Variants in DUSP14 observed in about 807,000 individuals in gnomAD.
The protein encoded by DUSP14 is dual specificity protein phosphatase 14.
A neutral mutation model predicts 13.2 loss-of-function variants in DUSP14; 5 were observed. That is an observed-to-expected ratio of 0.38 (90% CI 0.20 to 0.80). The LOEUF is 0.80. Ranked by LOEUF, DUSP14 falls within the 30% of genes least tolerant of loss-of-function variation. The pLI is 0.44. For missense variants in DUSP14, 185 were observed against 264.0 expected (o/e 0.70, Z 2.07); for synonymous variants, 91 against 103.4 (o/e 0.88, Z 0.73).
intron 1 of DUSP14, among the ~76,000 whole-genome samples, chr17:37,496,915 CA>C (rs71135730): frequency 0.59 from 58,202 of 98,288 alleles, 14,174 homozygotes; most frequent in East Asian, 0.91. Context: ...GACTCTGTCT[CA>C]AAAAAAAAAA....
intron 1 of DUSP14, among the ~76,000 whole-genome samples, chr17:37,502,093 C>G (rs118001031): frequency 4.0e-4 from 61 of 152,256 alleles, no homozygotes; most frequent in Non-Finnish European, 5.0e-4. Flanking sequence ...TATCCCTGCT[C>G]TAGTTACTAC....
intron 1 of DUSP14, among the ~76,000 whole-genome samples, chr17:37,497,640 G>C (rs1039492855): frequency 6.6e-6 from 1 of 151,462 alleles, no homozygotes. Context: ...CATGGCTATC[G>C]TTACAGCTAC....
Position 37,496,247 on chromosome 17 carries a change from G to A in DUSP14, c.-181+6289G>A, listed in dbSNP as rs146330713. ...CAGAAGTGGAGAGGGGGCTTGGACC[G>A]ACAACTATGTGTTGTTAATTTTCTT... is the stretch of plus-strand genomic sequence containing the variant. On this transcript the variant is annotated intron_variant, in intron 1 of 2. Coordinates refer to ENST00000617516, the MANE Select transcript of DUSP14 (RefSeq NM_007026.4). Among the ~76,000 whole-genome samples the A allele has an allele frequency of 4.0e-3, 613 of 152,288 alleles. 3 individuals carry two copies. The highest frequency in any genetic ancestry group is 0.014 in the African/African-American group (577 of 41,552).
intron 1 of DUSP14, among the ~76,000 whole-genome samples, chr17:37,492,825 C>T (rs1342123514): frequency 6.6e-6 from 1 of 152,194 alleles, no homozygotes. Flanking sequence ...CCCCAGAGGT[C>T]CTAGCCAGAA....
At chr17:37,491,353 C>G (rs1315265780) in intron 1 of DUSP14, 2 of 152,254 alleles carry the variant, frequency 1.3e-5, no homozygotes, top group African/African-American at 4.8e-5. Context: ...AGGGACAGGC[C>G]GGGGCAGAGA....
At chr17:37,494,715 C>T (rs931457804) in intron 1 of DUSP14, among the ~76,000 whole-genome samples, 3 of 152,196 alleles carry the variant, frequency 2.0e-5, no homozygotes, top group Non-Finnish European at 4.4e-5. Flanking sequence ...TACCATGTGC[C>T]TAGTATTATG....
rs182304271 is a variant in DUSP14 at position 37,513,198 on chromosome 17, G to A, written c.*329G>A. On this transcript the variant is annotated 3_prime_UTR_variant, in exon 3 of 3. Coordinates refer to ENST00000617516, the MANE Select transcript of DUSP14 (RefSeq NM_007026.4). ...GCCTTTGGCACCTTGGTAGGTGCAG[G>A]AGGAGCTCAGTGCAAAAATCACTTT... The A allele has an allele frequency of 3.0e-5, 9 of 297,872 alleles. No individual in the cohort carries two copies. The East Asian group carries it at 5.9e-4, about 20-fold the overall frequency. The allele number at this position is 297,872 out of a possible 1,614,324, so 18.5% of individuals were successfully genotyped here.
chr17:37,503,358 G>A (rs540170939), intron 1 of DUSP14, among the ~76,000 whole-genome samples: 3 of 152,274 alleles, frequency 2.0e-5, no homozygotes, highest in African/African-American at 4.8e-5. Context: ...CCTGGGAGGC[G>A]GAAGTGGCAG....
At chr17:37,495,584 G>A (rs2143056427) in intron 1 of DUSP14, among the ~76,000 whole-genome samples, 1 of 152,268 alleles carries the variant, frequency 6.6e-6, no homozygotes, top group Non-Finnish European at 1.5e-5. Flanking sequence ...GTGGCAGAGA[G>A]CGCCTTCAAA....
At chr17:37,509,130 C>T (rs12603745) in intron 1 of DUSP14, among the ~76,000 whole-genome samples, 6,983 of 18,110 alleles carry the variant, frequency 0.39, 1,231 homozygotes, top group East Asian at 0.74. Context: ...TATATATATA[C>T]ACACACACAC....
intron 1 of DUSP14, among the ~76,000 whole-genome samples, chr17:37,509,172 A>C (rs200507265): frequency 0.42 from 13,442 of 32,212 alleles, 3,663 homozygotes; most frequent in East Asian, 0.86. Flanking sequence ...CACACACTCT[A>C]TATATATATG....
intron 1 of DUSP14, among the ~76,000 whole-genome samples, chr17:37,506,370 C>G (rs1258370866): frequency 1.3e-5 from 2 of 151,930 alleles, no homozygotes; most frequent in Non-Finnish European, 2.9e-5. Context: ...TACCCTACCC[C>G]CATCCCCCAA....
chr17:37,508,315 C>G (rs12946480), intron 1 of DUSP14, among the ~76,000 whole-genome samples: 37,492 of 152,212 alleles, frequency 0.25, 5,050 homozygotes, highest in Admixed American at 0.4. Flanking sequence ...GCAACTCTTC[C>G]AGCCCCACTC....
intron 1 of DUSP14, among the ~76,000 whole-genome samples, chr17:37,491,202 G>T (rs1419494714): frequency 5.3e-4 from 81 of 152,174 alleles, no homozygotes; most frequent in Non-Finnish European, 1.6e-4. Flanking sequence ...GCTGCGATTT[G>T]GTTATTGTTA....
chr17:37,511,585 CTTTTT>C (rs533256343), intron 2 of DUSP14, among the ~76,000 whole-genome samples: 3 of 87,312 alleles, frequency 3.4e-5, no homozygotes, highest in Non-Finnish European at 5.9e-5. Context: ...CTGGCCTTTC[CTTTTT>C]TTTTTTTTTT....
chr17:37,504,014 T>C lies in DUSP14; in HGVS notation c.-180-6663T>C, dbSNP rs528173127. On this transcript the variant is annotated intron_variant, in intron 1 of 2. Transcript: ENST00000617516. ...TTTGAGACCAGCCTGGCCAACATGG[T>C]GAAACCCTGTCTCTACTAAAAATAC... 1.2e-3 allele frequency among the ~76,000 whole-genome samples: 176 copies of C among 152,186 alleles called. 2 individuals carry two copies. The South Asian group carries it at 0.036, about 31-fold the overall frequency.
chr17:37,497,975 G>A (rs1218137048), intron 1 of DUSP14, among the ~76,000 whole-genome samples: 2 of 151,776 alleles, frequency 1.3e-5, no homozygotes, highest in African/African-American at 2.4e-5. Flanking sequence ...GAGTCCCAGA[G>A]GTTGAGGCTG....
intron 2 of DUSP14, among the ~76,000 whole-genome samples, chr17:37,510,990 TATATATA>T (rs56729296): frequency 0.44 from 66,141 of 150,518 alleles, 15,183 homozygotes; most frequent in East Asian, 0.79. Context: ...AATGTCAATA[TATATATA>T]ATATATATCA....
chr17:37,510,457 T>C (rs2054175779), intron 1 of DUSP14: 1 of 152,206 alleles, frequency 6.6e-6, no homozygotes, highest in African/African-American at 2.4e-5. Context: ...GTCAAAACTC[T>C]TATTTGTCAC....
Sources: allele counts gnomAD v4.1 joint callset (sites outside exome capture counted in the v4.1 genomes callset), GRCh38; gene constraint gnomAD v4.1.1; transcripts MANE v1.5; gene names NCBI Gene and HGNC (gene_info 2026-07-23, HGNC 2026-07-21).